Variants in PRKG1 observed in about 807,000 individuals in gnomAD.
PRKG1 encodes protein kinase cGMP-dependent 1.
PRKG1 carries 35 observed loss-of-function variants against 88.1 expected under a neutral mutation model. That is an observed-to-expected ratio of 0.40 (90% CI 0.30 to 0.53). The LOEUF is 0.53. Ranked by LOEUF, PRKG1 falls within the 20% of genes least tolerant of loss-of-function variation. The pLI, the probability that PRKG1 is intolerant of heterozygous loss-of-function variation, is 0.59. For synonymous variants in PRKG1, 303 were observed against 292.5 expected (o/e 1.04, Z -0.37); for missense variants, 540 against 839.8 (o/e 0.64, Z 4.41).
intron 1 of PRKG1, among the ~76,000 whole-genome samples, chr10:51,087,388 G>A (rs945757031): frequency 1.3e-5 from 2 of 152,048 alleles, no homozygotes; most frequent in Non-Finnish European, 2.9e-5. Flanking sequence ...AATTCTCACA[G>A]CAATCTGATA....
intron 3 of PRKG1, among the ~76,000 whole-genome samples, chr10:51,689,595 A>T (rs1175461883): frequency 6.6e-6 from 1 of 152,140 alleles, no homozygotes; most frequent in Non-Finnish European, 1.5e-5. Context: ...TAAGATAACT[A>T]CTCTTAACAA....
intron 2 of PRKG1, among the ~76,000 whole-genome samples, chr10:51,185,221 T>G (rs1837455478): frequency 6.6e-6 from 1 of 152,100 alleles, no homozygotes; most frequent in Admixed American, 6.6e-5. Flanking sequence ...AAATAGAAAC[T>G]TCAATGGGAT....
intron 2 of PRKG1, among the ~76,000 whole-genome samples, chr10:51,158,138 A>G (rs1367232652): frequency 6.6e-6 from 1 of 151,910 alleles, no homozygotes; most frequent in Admixed American, 6.6e-5. Flanking sequence ...GTGTTTGTTA[A>G]TGATAATAAC....
At chr10:51,950,891 ATTGAGTGATGAAATAAC>A (rs1843166899) in intron 5 of PRKG1, among the ~76,000 whole-genome samples, 2 of 152,192 alleles carry the variant, frequency 1.3e-5, no homozygotes, top group African/African-American at 4.8e-5. Flanking sequence ...AGGGAGTTTT[ATTGAGTGATGAAATAAC>A]TTTCTGCAGA....
chr10:51,633,700 T>C (rs1306517280), intron 3 of PRKG1, among the ~76,000 whole-genome samples: 2 of 152,120 alleles, frequency 1.3e-5, no homozygotes, highest in African/African-American at 2.4e-5. Flanking sequence ...TGGTTATCAT[T>C]TGGGGAGTCA....
At chr10:51,547,646 G>A (rs1305618620) in intron 3 of PRKG1, among the ~76,000 whole-genome samples, 2 of 152,026 alleles carry the variant, frequency 1.3e-5, no homozygotes, top group Non-Finnish European at 2.9e-5. Flanking sequence ...TACTTGACGA[G>A]TAATGGTCTT....
At chr10:51,840,484 G>A (rs1172057604) in intron 4 of PRKG1, among the ~76,000 whole-genome samples, 1 of 151,488 alleles carries the variant, frequency 6.6e-6, no homozygotes, top group African/African-American at 2.4e-5. Context: ...CTTTTGTTTT[G>A]TAATGCCACC....
At chr10:51,214,183 A>AT (rs1165866988) in intron 2 of PRKG1, among the ~76,000 whole-genome samples, 1 of 152,146 alleles carries the variant, frequency 6.6e-6, no homozygotes, top group Non-Finnish European at 1.5e-5. Context: ...TATTATATAT[A>AT]TGTCACCTAT....
chr10:52,135,795 A>G (rs1346627339), intron 8 of PRKG1, among the ~76,000 whole-genome samples: 5 of 152,098 alleles, frequency 3.3e-5, no homozygotes, highest in Non-Finnish European at 1.5e-5. Flanking sequence ...AACTCTTGTT[A>G]GAATTAACTT....
At chr10:51,944,467 T>C (rs1589442754) in intron 5 of PRKG1, among the ~76,000 whole-genome samples, 2 of 152,218 alleles carry the variant, frequency 1.3e-5, no homozygotes, top group East Asian at 3.9e-4. Flanking sequence ...AGTTCTGCTC[T>C]GATTTTAGTT....
chr10:52,082,339 T>C (rs1475300764), intron 7 of PRKG1, among the ~76,000 whole-genome samples: 1 of 152,102 alleles, frequency 6.6e-6, no homozygotes, highest in Admixed American at 6.5e-5. Context: ...TCTCTGAGCC[T>C]TGGCATAAGT....
intron 5 of PRKG1, among the ~76,000 whole-genome samples, chr10:52,017,110 T>C (rs1246428122): frequency 6.6e-6 from 1 of 152,134 alleles, no homozygotes; most frequent in East Asian, 1.9e-4. Context: ...ATTAAGAGAT[T>C]AAAATGTATT....
At chr10:52,232,607 A>G (rs893047199) in intron 9 of PRKG1, among the ~76,000 whole-genome samples, 4 of 152,228 alleles carry the variant, frequency 2.6e-5, no homozygotes, top group African/African-American at 9.6e-5. Context: ...TATTTCATAT[A>G]TTTACATTAA....
In PRKG1 at chr10:51,840,566, G is replaced by A. The variant is rs186418701; in HGVS notation, c.698+35876G>A. Among the ~76,000 whole-genome samples the A allele has an allele frequency of 4.9e-3, 665 of 135,834 alleles. 5 individuals are homozygous for A. Among genetic ancestry groups the A allele is most frequent in the African/African-American group, 0.019 (643 of 34,632 alleles). 89.1% of individuals were successfully genotyped at this position (135,834 alleles called of 152,430 possible). A position where few individuals can be genotyped will look rare whatever the true frequency, so the allele number is the denominator to read the frequency against. On this transcript the variant is annotated intron_variant, in intron 4 of 17. Transcript: ENST00000373980. ...ATTTATTTATTTATTTATTTATTGA[G>A]ACAAAGTCTCCCTTTTGTCACCTAG...
intron 2 of PRKG1, among the ~76,000 whole-genome samples, chr10:51,352,590 G>A (rs1023925508): frequency 2.6e-5 from 4 of 152,050 alleles, no homozygotes; most frequent in Non-Finnish European, 4.4e-5. Flanking sequence ...GGAAATTGAA[G>A]AGGACACACA....
chr10:51,132,634 A>G (rs536077409), intron 1 of PRKG1, among the ~76,000 whole-genome samples: 2 of 149,846 alleles, frequency 1.3e-5, no homozygotes, highest in African/African-American at 4.9e-5. Flanking sequence ...GCAATCTACA[A>G]GTGTTTCTCC....
chr10:51,456,122 CA>C (rs1277700266), intron 2 of PRKG1, among the ~76,000 whole-genome samples: 2 of 152,184 alleles, frequency 1.3e-5, no homozygotes, highest in African/African-American at 2.4e-5. Flanking sequence ...AGTCGCATCT[CA>C]CATGGTGGTG....
chr10:51,358,103 C>T (rs1842404781), intron 2 of PRKG1, among the ~76,000 whole-genome samples: 1 of 151,844 alleles, frequency 6.6e-6, no homozygotes, highest in South Asian at 2.1e-4. Context: ...GTGAAATGCT[C>T]AGCTGAGGGG....
chr10:51,014,729 T>C (rs940495552), intron 1 of PRKG1, among the ~76,000 whole-genome samples: 17 of 152,174 alleles, frequency 1.1e-4, no homozygotes, highest in Non-Finnish European at 1.9e-4. Context: ...TACAATTACA[T>C]GTTTGTTTTA....
Sources: allele counts gnomAD v4.1 joint callset (sites outside exome capture counted in the v4.1 genomes callset), GRCh38; gene constraint gnomAD v4.1.1; transcripts MANE v1.5; gene names NCBI Gene and HGNC (gene_info 2026-07-23, HGNC 2026-07-21).